STX2: variants seen among roughly 807,000 people sequenced by gnomAD.
STX2 encodes syntaxin-2.
STX2 carries 27 observed loss-of-function variants against 40.6 expected under a neutral mutation model. That is an observed-to-expected ratio of 0.66 (90% CI 0.49 to 0.92). STX2 has a LOEUF of 0.92. STX2 is among the 40% of genes least tolerant of loss of function. The probability of loss-of-function intolerance (pLI) is 0.00; values close to 1 mark genes in which losing one functional copy is unlikely to be tolerated. For synonymous variants in STX2, 123 were observed against 119.1 expected, an observed-to-expected ratio of 1.03 and a Z score of -0.22; for missense variants, 328 against 366.1, an observed-to-expected ratio of 0.90 and a Z score of 0.85.
chr12:130,835,752 GTAA>G (rs1952736600), intron 1 of STX2, among the ~76,000 whole-genome samples: 1 of 152,124 alleles, frequency 6.6e-6, no homozygotes, highest in Non-Finnish European at 1.5e-5. Flanking sequence ...TTTACTTTCT[GTAA>G]ATCAGAAATA....
chr12:130,792,670 T>G (rs1175549040), intron 10 of STX2, among the ~76,000 whole-genome samples: 1 of 152,164 alleles, frequency 6.6e-6, no homozygotes, highest in Non-Finnish European at 1.5e-5. Context: ...CTTGCTATGT[T>G]GCCCAGACTA....
rs1437964949 is a variant in STX2 at position 130,807,798 on chromosome 12, C to T, written c.355-708G>A. On this transcript the variant is annotated intron_variant, in intron 5 of 10. Transcript: ENST00000392373. ...AAATACTGTGAAAGGAAAATAAAAT[C>T]GCAGGACCTCACACTCACTATCCCA... 2.0e-5 allele frequency among the ~76,000 whole-genome samples: 3 copies of T among 152,134 alleles called. No individual in the cohort carries two copies. The East Asian group carries it at 5.8e-4, about 29-fold the overall frequency.
intron 6 of STX2, among the ~76,000 whole-genome samples, chr12:130,805,053 A>C (rs921818594): frequency 2.0e-5 from 3 of 152,168 alleles, no homozygotes; most frequent in African/African-American, 7.2e-5. Context: ...AGCGCTCACC[A>C]CAGAGTCCCA....
At chr12:130,810,715 G>A (rs1436591064) in intron 4 of STX2, 8 of 152,344 alleles carry the variant, frequency 5.3e-5, no homozygotes, top group South Asian at 2.1e-4. Flanking sequence ...ATGTGTTCAC[G>A]ATGATGGACG....
chr12:130,817,453 G>A (rs1593161792), intron 3 of STX2, among the ~76,000 whole-genome samples: 1 of 152,148 alleles, frequency 6.6e-6, no homozygotes, highest in East Asian at 1.9e-4. Context: ...AAAGAGGAGA[G>A]ACAGAAAGGA....
At chr12:130,835,136 G>T (rs969414743) in intron 1 of STX2, among the ~76,000 whole-genome samples, 4 of 152,184 alleles carry the variant, frequency 2.6e-5, no homozygotes, top group African/African-American at 9.7e-5. Flanking sequence ...AAAAAATACA[G>T]AAGTTTGCTG....
chr12:130,828,589 G>A (rs1004325036), intron 1 of STX2, among the ~76,000 whole-genome samples: 15 of 151,700 alleles, frequency 9.9e-5, no homozygotes, highest in African/African-American at 1.7e-4. Flanking sequence ...AAAATGGGCC[G>A]GGCGCGGTGG....
chr12:130,817,067 CA>C (rs1951884705), intron 3 of STX2, among the ~76,000 whole-genome samples: 1 of 151,010 alleles, frequency 6.6e-6, no homozygotes, highest in Non-Finnish European at 1.5e-5. Context: ...AATTCCAATA[CA>C]AAGCTCAAAA....
At chr12:130,833,876 C>A (rs576910109) in intron 1 of STX2, among the ~76,000 whole-genome samples, 1 of 152,304 alleles carries the variant, frequency 6.6e-6, no homozygotes, top group South Asian at 2.1e-4. Flanking sequence ...CTGGCAGGTG[C>A]TCTGGATCAG....
rs1952840399 is a variant in STX2, at chr12:130,839,194, CG to C, written c.-96del. ...TCTCCGGTCTCCGCCTCAGGCCCCG[CG>C]GTCCCGGCCCGGCGCCAGCAGCCCT... On this transcript the variant is annotated 5_prime_UTR_variant, in exon 1 of 11. Transcript: ENST00000392373. 9.5e-7 allele frequency: 1 copy of C among 1,049,236 alleles called. No individual in the cohort carries two copies. The highest frequency in any genetic ancestry group is 5.7e-5 in the East Asian group (1 of 17,518). The allele number at this position is 1,049,236 out of a possible 1,614,324, so 65.0% of individuals were successfully genotyped here. A position where few individuals can be genotyped will look rare whatever the true frequency, so the allele number is the denominator to read the frequency against.
chr12:130,818,185 A>AAAAAAAAAAAAAAAATAT, intron 3 of STX2, among the ~76,000 whole-genome samples: 7 of 70,544 alleles, frequency 9.9e-5, no homozygotes, highest in African/African-American at 8.3e-4. Context: ...AAAAAAAAAA[A>AAAAAAAAAAAAAAAATAT]ATATATATAT....
At chr12:130,809,715 G>A (rs958724699) in intron 4 of STX2, among the ~76,000 whole-genome samples, 1 of 152,210 alleles carries the variant, frequency 6.6e-6, no homozygotes, top group Admixed American at 6.5e-5. Flanking sequence ...TACTCGGGAG[G>A]CTGAGGCAGG....
At position 130,807,050 on chromosome 12, in the gene STX2, T is replaced by C; in HGVS notation, c.395A>G (p.Glu132Gly). ...LSRKFVEAMA[E>G]YNEAQTLFRE... ...AAACAGAGTCTGTGCCTCATTGTAC[T>C]CCGCCATGGCTTCCACAAACTTCCG... Residue 132 changes from glutamate (E) to glycine (G), a missense_variant, in exon 6 of 11, where the codon GAG becomes GGG. Coordinates refer to ENST00000392373, the MANE Select transcript of STX2 (RefSeq NM_194356.4). 1 of 1,614,230 alleles carries C rather than the reference T, an allele frequency of 6.2e-7. No homozygotes were observed. Among genetic ancestry groups the C allele is most frequent in the South Asian group, 1.1e-5 (1 of 91,084 alleles).
At chr12:130,831,382 T>C (rs1188081502) in intron 1 of STX2, among the ~76,000 whole-genome samples, 1 of 152,250 alleles carries the variant, frequency 6.6e-6, no homozygotes, top group African/African-American at 2.4e-5. Context: ...AGGTAAAAGC[T>C]GGCCGGGTGC....
chr12:130,813,900 C>A (rs1333610894), intron 3 of STX2, among the ~76,000 whole-genome samples: 1 of 152,170 alleles, frequency 6.6e-6, no homozygotes, highest in African/African-American at 2.4e-5. Context: ...GCACTTGCCT[C>A]TCTCACTCAA....
At chr12:130,829,135 G>A (rs59510676) in intron 1 of STX2, among the ~76,000 whole-genome samples, 3,609 of 152,224 alleles carry the variant, frequency 0.024, 150 homozygotes, top group African/African-American at 0.081. Context: ...CGCTATTTCA[G>A]AGTAGAACAC....
At chr12:130,803,661 T>C (rs1593128094) in intron 6 of STX2, among the ~76,000 whole-genome samples, 1 of 60,726 alleles carries the variant, frequency 1.6e-5, no homozygotes, top group East Asian at 4.8e-4. Context: ...CGTGAGGCTC[T>C]CTCTCAAAAA....
At chr12:130,825,280 A>G (rs142156458) in intron 2 of STX2, among the ~76,000 whole-genome samples, 30 of 152,166 alleles carry the variant, frequency 2.0e-4, no homozygotes, top group African/African-American at 7.0e-4. Flanking sequence ...CAGGTGATCC[A>G]CCCACCTCGG....
chr12:130,811,751 G>A (rs956195063), intron 4 of STX2, among the ~76,000 whole-genome samples: 11 of 152,034 alleles, frequency 7.2e-5, no homozygotes, highest in African/African-American at 2.7e-4. Flanking sequence ...GTGTTAGCCA[G>A]GATAAGTCTC....
Sources: allele counts gnomAD v4.1 joint callset (sites outside exome capture counted in the v4.1 genomes callset), GRCh38; gene constraint gnomAD v4.1.1; transcripts MANE v1.5; gene names NCBI Gene and HGNC (gene_info 2026-07-23, HGNC 2026-07-21).